Variants in ERC1 observed in about 807,000 individuals in gnomAD.
ERC1 encodes the protein RAB6 interacting protein 2.
ERC1 carries 56 observed loss-of-function variants against 132.0 expected under a neutral mutation model. That is an observed-to-expected ratio of 0.42 (90% CI 0.34 to 0.53). ERC1 has a LOEUF of 0.53. Among genes scored for constraint, ERC1 ranks in the 20% least tolerant of loss-of-function variants. The pLI, the probability that ERC1 is intolerant of heterozygous loss-of-function variation, is 0.03. For missense variants in ERC1, 1,202 were observed against 1,349.9 expected (o/e 0.89, Z 1.72); for synonymous variants, 478 against 476.1 (o/e 1.00, Z -0.05).
At chr12:1,292,480 TAG>T (rs2079524423) in intron 15 of ERC1, among the ~76,000 whole-genome samples, 1 of 152,138 alleles carries the variant, frequency 6.6e-6, no homozygotes, top group Admixed American at 6.5e-5. Flanking sequence ...CTGAACTGAC[TAG>T]ACAGACATGT....
chr12:1,321,973 A>G (rs192665542), intron 15 of ERC1, among the ~76,000 whole-genome samples: 25 of 152,306 alleles, frequency 1.6e-4, no homozygotes, highest in African/African-American at 1.9e-4. Context: ...AATAGAGATG[A>G]AAAGCTTTCC....
intron 16 of ERC1, among the ~76,000 whole-genome samples, chr12:1,382,307 C>T (rs2088776599): frequency 6.6e-6 from 1 of 152,180 alleles, no homozygotes; most frequent in Non-Finnish European, 1.5e-5. Context: ...TGGTTTAAAG[C>T]CACAGCAGAA....
At chr12:1,141,039 T>G (rs1177014742) in intron 7 of ERC1, among the ~76,000 whole-genome samples, 1 of 152,140 alleles carries the variant, frequency 6.6e-6, no homozygotes, top group East Asian at 1.9e-4. Context: ...TATCATTAGA[T>G]TTCTTGTTAT....
rs113213746 is a variant in ERC1 at position 1,255,694 on chromosome 12, G to A, written c.2488-7340G>A. ...GTTGCCCAGGCTGGAGTGCAGTGGC[G>A]TGATCTCGGCTCACTGCAAGTTCTG... On this transcript the variant is annotated intron_variant, in intron 13 of 18. Transcript: ENST00000360905. 1.8e-3 allele frequency among the ~76,000 whole-genome samples: 248 copies of A among 139,954 alleles called. 2 individuals are homozygous for A. The highest frequency in any genetic ancestry group is 2.3e-3 in the Non-Finnish European group (151 of 66,142). The allele number at this position is 139,954 out of a possible 152,430, so 91.8% of individuals were successfully genotyped here.
chr12:1,386,909 A>G (rs1174678781), intron 16 of ERC1: 1 of 152,244 alleles, frequency 6.6e-6, no homozygotes, highest in African/African-American at 2.4e-5. Flanking sequence ...CAGAGCAACC[A>G]GGGACCCAGA....
chr12:1,262,557 T>C (rs1566420667), intron 13 of ERC1, among the ~76,000 whole-genome samples: 1 of 152,238 alleles, frequency 6.6e-6, no homozygotes, highest in Admixed American at 6.5e-5. Flanking sequence ...AAGAAATCGT[T>C]TGCTGACAAT....
intron 14 of ERC1, among the ~76,000 whole-genome samples, chr12:1,288,099 A>G: frequency 6.6e-6 from 1 of 152,220 alleles, no homozygotes; most frequent in East Asian, 1.9e-4. Flanking sequence ...TATGGTTCTT[A>G]TCCATTACTG....
At chr12:1,422,589 C>G (rs1032807697) in intron 17 of ERC1, among the ~76,000 whole-genome samples, 2 of 151,916 alleles carry the variant, frequency 1.3e-5, no homozygotes, top group Non-Finnish European at 2.9e-5. Context: ...CACATTTATC[C>G]ATTCGTCTGT....
At chr12:1,129,366 G>A (rs1226327896) in intron 7 of ERC1, among the ~76,000 whole-genome samples, 1 of 151,742 alleles carries the variant, frequency 6.6e-6, no homozygotes, top group East Asian at 1.9e-4. Flanking sequence ...GCAACAACAA[G>A]AAAAAAAACT....
At chr12:1,333,958 T>C (rs890671794) in intron 15 of ERC1, among the ~76,000 whole-genome samples, 8 of 152,228 alleles carry the variant, frequency 5.3e-5, no homozygotes, top group Non-Finnish European at 1.2e-4. Context: ...TTCTGACTGG[T>C]GTGAGATAAT....
intron 16 of ERC1, among the ~76,000 whole-genome samples, chr12:1,383,709 A>G (rs1253865054): frequency 1.3e-5 from 2 of 152,238 alleles, no homozygotes; most frequent in African/African-American, 4.8e-5. Flanking sequence ...TTAAACTAGA[A>G]TATTAGCTGT....
At chr12:1,065,015 T>C (rs78851598) in intron 2 of ERC1, among the ~76,000 whole-genome samples, 6,206 of 152,276 alleles carry the variant, frequency 0.041, 208 homozygotes, top group Non-Finnish European at 0.063. Context: ...CTTTTTCTTT[T>C]TTTGAGGCAG....
chr12:1,452,389 T>G (rs886983854), intron 18 of ERC1, among the ~76,000 whole-genome samples: 3 of 152,178 alleles, frequency 2.0e-5, no homozygotes, highest in African/African-American at 7.2e-5. Flanking sequence ...TTTTCAACCA[T>G]TTGATGATAA....
intron 1 of ERC1, chr12:991,836 G>A (rs1031644557): frequency 6.6e-6 from 1 of 152,344 alleles, no homozygotes; most frequent in East Asian, 1.9e-4. Flanking sequence ...TTTTCTTTTC[G>A]ATGAAATGGT....
chr12:1,130,706 A>G (rs1235095206), intron 7 of ERC1, among the ~76,000 whole-genome samples: 1 of 140,304 alleles, frequency 7.1e-6, no homozygotes, highest in Admixed American at 7.3e-5. Context: ...TGAGCTTTTC[A>G]TCTTTTTGTC....
At chr12:1,402,076 A>G (rs1049567248) in intron 16 of ERC1, among the ~76,000 whole-genome samples, 1 of 152,208 alleles carries the variant, frequency 6.6e-6, no homozygotes. Context: ...ACTGGAAATT[A>G]CAGATTTTGC....
At chr12:1,022,142 C>G (rs147995800) in intron 1 of ERC1, among the ~76,000 whole-genome samples, 609 of 152,224 alleles carry the variant, frequency 4.0e-3, no homozygotes, top group Admixed American at 8.2e-3. Context: ...GTCTTGAATT[C>G]CTGGACTCAA....
chr12:1,205,866 C>T (rs1298348851), intron 12 of ERC1, among the ~76,000 whole-genome samples: 1 of 152,032 alleles, frequency 6.6e-6, no homozygotes, highest in Non-Finnish European at 1.5e-5. Flanking sequence ...TCATTTGTCC[C>T]ATAGTTAGTC....
At chr12:1,112,187 G>A in intron 5 of ERC1, 28 bp from the exon 6 acceptor site, 2 of 1,533,308 alleles carry the variant, frequency 1.3e-6, no homozygotes, top group Non-Finnish European at 1.8e-6. Flanking sequence ...TGACACATAA[G>A]TGAAAAAGAA....
Sources: gnomAD v4.1 joint callset for allele counts (sites outside exome capture counted in the v4.1 genomes callset) on GRCh38, gnomAD v4.1.1 for gene constraint, MANE v1.5 for transcripts, NCBI Gene and HGNC (gene_info 2026-07-23, HGNC 2026-07-21) for gene names.